SLC9A4: variants seen among roughly 807,000 people sequenced by gnomAD.
SLC9A4 encodes solute carrier family 9 member A4, also known as sodium/hydrogen exchanger 4.
A neutral mutation model predicts 67.4 loss-of-function variants in SLC9A4; 63 were observed. That is an observed-to-expected ratio of 0.93 (90% confidence interval 0.76 to 1.15). The LOEUF is 1.15. Among genes scored for constraint, SLC9A4 ranks in the 50% most tolerant of loss-of-function variants. The probability of loss-of-function intolerance (pLI) is 0.00; values close to 1 mark genes in which losing one functional copy is unlikely to be tolerated. For synonymous variants in SLC9A4, 393 were observed against 367.2 expected, an observed-to-expected ratio of 1.07 and a Z score of -0.80; for missense variants, 1,089 against 987.7, an observed-to-expected ratio of 1.10 and a Z score of -1.38.
intron 9 of SLC9A4, among the ~76,000 whole-genome samples, chr2:102,523,746 AGCAC>A (rs917819285): frequency 3.3e-5 from 5 of 152,286 alleles, no homozygotes; most frequent in Admixed American, 3.3e-4. Flanking sequence ...CTTTGAATGA[AGCAC>A]CCCATTCTTT....
chr2:102,513,473 G>C (rs993834066), intron 7 of SLC9A4, among the ~76,000 whole-genome samples: 2 of 152,236 alleles, frequency 1.3e-5, no homozygotes, highest in African/African-American at 4.8e-5. Context: ...TCAGTCGAAT[G>C]GGCTGGCCAG....
Position 102,479,239 on chromosome 2 carries a change from C to T in SLC9A4, c.657C>T (p.Arg219=), listed in dbSNP as rs576569833. The T allele has an allele frequency of 7.6e-5, 122 of 1,614,142 alleles. No homozygotes were observed. The East Asian group carries it at 2.5e-3, about 32-fold the overall frequency. Residue 219 remains arginine (R), a synonymous_variant, in exon 2 of 12, where the codon CGC becomes CGT. Transcript: ENST00000295269. ...VAVLAVFEEA[R]VNEQLYMMIF... The stretch of plus-strand genomic sequence containing the variant: ...TGCTAGCCGTGTTTGAGGAAGCGCG[C>T]GTGAACGAGCAGCTCTACATGATGA...
At position 102,473,534 on chromosome 2, in the gene SLC9A4, T is replaced by G; in HGVS notation, c.-226T>G. The G allele has an allele frequency of 1.8e-6, 1 of 554,852 alleles. No individual in the cohort carries two copies. The highest frequency in any genetic ancestry group is 3.2e-6 in the Non-Finnish European group (1 of 316,216). The allele number at this position is 554,852 out of a possible 1,614,324, so 34.4% of individuals were successfully genotyped here. ...TTAACAAGTCTATTGAATAACTGCA[T>G]TTGAGTTGGAAGCTGAGTTGCCTGA... On this transcript the variant is annotated 5_prime_UTR_variant, in exon 1 of 12. Transcript: ENST00000295269.
At position 102,473,910 on chromosome 2, in the gene SLC9A4, T is replaced by C. The variant is rs1343270566; in HGVS notation, c.151T>C (p.Ser51Pro). Residue 51 changes from serine (S) to proline (P), a missense_variant, in exon 1 of 12, where the codon TCA (serine) becomes CCA (proline). Coordinates refer to ENST00000295269, the MANE Select transcript of SLC9A4 (RefSeq NM_001011552.4). ...ASNAWFAAAS[S>P]EPEEGISVFE... ...TAACGCTTGGTTTGCTGCTGCCAGC[T>C]CAGAGCCAGAGGAAGGGATATCTGT... 2 of 1,614,122 alleles carry C rather than the reference T, an allele frequency of 1.2e-6. No individual in the cohort carries two copies. Among genetic ancestry groups the C allele is most frequent in the South Asian group, 1.1e-5 (1 of 91,082 alleles).
chr2:102,519,176 G>T (rs1191554944), intron 8 of SLC9A4, among the ~76,000 whole-genome samples: 1 of 152,120 alleles, frequency 6.6e-6, no homozygotes, highest in Non-Finnish European at 1.5e-5. Context: ...AGGTGGGAAG[G>T]GGTCACAGTG....
intron 9 of SLC9A4, among the ~76,000 whole-genome samples, chr2:102,523,698 C>A (rs551136097): frequency 2.6e-5 from 4 of 152,328 alleles, no homozygotes; most frequent in Non-Finnish European, 5.9e-5. Flanking sequence ...GGCCTGGCCG[C>A]AGCCCCTCCA....
chr2:102,508,822 C>T (rs781654528), intron 5 of SLC9A4, 25 bp from the exon 6 acceptor site: 3 of 1,577,942 alleles, frequency 1.9e-6, no homozygotes, highest in Non-Finnish European at 2.6e-6. Flanking sequence ...CAACAAAACC[C>T]TTTGTTTTGT....
At chr2:102,500,985 G>A (rs1043989666) in intron 2 of SLC9A4, among the ~76,000 whole-genome samples, 12 of 148,808 alleles carry the variant, frequency 8.1e-5, no homozygotes, top group African/African-American at 3.0e-4. Context: ...GTAAGATAGA[G>A]TTTCGCTCTT....
At position 102,479,286 on chromosome 2, in the gene SLC9A4, A is replaced by G. The variant is rs765757985; in HGVS notation, c.704A>G (p.Asn235Ser). 23 of 1,610,796 alleles carry G rather than the reference A, an allele frequency of 1.4e-5. No individual in the cohort carries two copies. The highest frequency in any genetic ancestry group is 1.7e-5 in the Non-Finnish European group (20 of 1,178,898). The change falls in exon 2 of 12, where the codon AAT becomes AGT. Residue 235 changes from asparagine (N) to serine (S), a missense_variant. By Grantham distance (46) the Asn-to-Ser change is conservative. Transcript: ENST00000295269. Reference protein sequence around the residue: ...YMMIFGEALLNDGITVVLYNM... With the variant: ...YMMIFGEALLSDGITVVLYNM... ...ATGATCTTTGGGGAGGCCCTGCTCA[A>G]TGATGGCATTACTGTGGTGAGATGT... is the stretch of plus-strand genomic sequence containing the variant.
intron 2 of SLC9A4, among the ~76,000 whole-genome samples, chr2:102,502,279 G>C (rs923110968): frequency 6.6e-6 from 1 of 152,094 alleles, no homozygotes; most frequent in Non-Finnish European, 1.5e-5. Flanking sequence ...GTGATAAGTA[G>C]ATCCCTGCAG....
chr2:102,482,928 T>C (rs1480632653), intron 2 of SLC9A4, among the ~76,000 whole-genome samples: 1 of 152,240 alleles, frequency 6.6e-6, no homozygotes, highest in Non-Finnish European at 1.5e-5. Context: ...TTTGACTCCT[T>C]CCTCGAGCTT....
intron 2 of SLC9A4, among the ~76,000 whole-genome samples, chr2:102,502,294 AAAAT>A (rs1684957904): frequency 1.3e-5 from 2 of 152,146 alleles, no homozygotes; most frequent in African/African-American, 4.8e-5. Flanking sequence ...CTGCAGCTTC[AAAAT>A]AAATGTTGAA....
intron 2 of SLC9A4, among the ~76,000 whole-genome samples, chr2:102,490,643 C>G (rs183136316): frequency 6.6e-6 from 1 of 152,134 alleles, no homozygotes; most frequent in Non-Finnish European, 1.5e-5. Flanking sequence ...TGATTCAACC[C>G]GTAGCTGACC....
At chr2:102,501,496 C>T (rs1353325645) in intron 2 of SLC9A4, among the ~76,000 whole-genome samples, 6 of 152,080 alleles carry the variant, frequency 3.9e-5, no homozygotes, top group South Asian at 4.1e-4. Context: ...CCACCCACCT[C>T]GGCCTCCCAA....
intron 2 of SLC9A4, among the ~76,000 whole-genome samples, chr2:102,489,224 A>AG (rs1684649958): frequency 6.6e-6 from 1 of 152,004 alleles, no homozygotes; most frequent in African/African-American, 2.4e-5. Context: ...GAAGGAGGAG[A>AG]GGGATTTGCA....
chr2:102,520,385 T>C (rs1347173507), intron 9 of SLC9A4, among the ~76,000 whole-genome samples: 1 of 152,202 alleles, frequency 6.6e-6, no homozygotes, highest in Non-Finnish European at 1.5e-5. Context: ...AACTCTAATT[T>C]ATAATGAATA....
At position 102,499,732 on chromosome 2, in the gene SLC9A4, A is replaced by T. The variant is rs1421957465; in HGVS notation, c.721-3716A>T. On this transcript the variant is annotated intron_variant, in intron 2 of 11. Coordinates refer to ENST00000295269, the MANE Select transcript of SLC9A4 (RefSeq NM_001011552.4). ...GAGGGAAGAAGGCAAGCCTATTATA[A>T]CCTTCTGCCCACATTCCCTTATCTA... is the stretch of plus-strand genomic sequence containing the variant. Among the ~76,000 whole-genome samples the T allele has an allele frequency of 2.0e-5, 3 of 152,114 alleles. No homozygotes were observed. In the East Asian group the frequency reaches 5.8e-4, roughly 29 times the overall value.
chr2:102,479,235 C>A lies in SLC9A4; in HGVS notation c.653C>A (p.Ala218Glu), dbSNP rs777785332. Residue 218 changes from alanine (A) to glutamate (E), a missense_variant, in exon 2 of 12, where the codon GCG becomes GAG. Coordinates refer to ENST00000295269, the MANE Select transcript of SLC9A4 (RefSeq NM_001011552.4). The part of the protein sequence containing the change: ...PVAVLAVFEE[A>E]RVNEQLYMMI... Reference sequence around the variant, plus strand: ...GCCGTGCTAGCCGTGTTTGAGGAAGCGCGCGTGAACGAGCAGCTCTACATG... The same window carrying A: ...GCCGTGCTAGCCGTGTTTGAGGAAGAGCGCGTGAACGAGCAGCTCTACATG... 3.1e-6 allele frequency: 5 copies of A among 1,614,126 alleles called. No individual in the cohort carries two copies. The highest frequency in any genetic ancestry group is 3.4e-6 in the Non-Finnish European group (4 of 1,180,018).
intron 6 of SLC9A4, among the ~76,000 whole-genome samples, chr2:102,511,975 G>T (rs1417609205): frequency 6.6e-6 from 1 of 152,080 alleles, no homozygotes; most frequent in East Asian, 1.9e-4. Flanking sequence ...TACGTATTAT[G>T]TGAATTATGA....
Sources: allele counts gnomAD v4.1 joint callset (sites outside exome capture counted in the v4.1 genomes callset), GRCh38; gene constraint gnomAD v4.1.1; transcripts MANE v1.5; gene names NCBI Gene and HGNC (gene_info 2026-07-23, HGNC 2026-07-21).